Variants in C1QTNF3 observed in about 807,000 individuals in gnomAD.
C1QTNF3 encodes C1q and TNF related 3.
Under a neutral mutation model 32.6 loss-of-function variants are expected in C1QTNF3, and 26 were observed. The ratio of observed to expected loss-of-function variants is 0.80; its 90% CI spans 0.58 to 1.11. C1QTNF3 has a LOEUF of 1.11. Among genes scored for constraint, C1QTNF3 ranks in the 50% least tolerant of loss-of-function variants. C1QTNF3 has a pLI of 0.00. For synonymous variants in C1QTNF3, 155 were observed against 146.0 expected (o/e 1.06, Z -0.44); for missense variants, 362 against 398.2 (o/e 0.91, Z 0.77).
the C1QTNF3 span, among the ~76,000 whole-genome samples, chr5:34,129,610 T>C: frequency 6.6e-6 from 1 of 152,094 alleles, no homozygotes; most frequent in Admixed American, 6.5e-5. Flanking sequence ...CAATATTCAA[T>C]ATAATATACA....
the C1QTNF3 span, among the ~76,000 whole-genome samples, chr5:34,053,536 C>G: frequency 6.6e-6 from 1 of 152,210 alleles, no homozygotes; most frequent in African/African-American, 2.4e-5. Context: ...TAACTGCATC[C>G]TTGGATGGCC....
At chr5:34,116,329 C>T in the C1QTNF3 span, among the ~76,000 whole-genome samples, 1 of 152,094 alleles carries the variant, frequency 6.6e-6, no homozygotes, top group Non-Finnish European at 1.5e-5. Context: ...ATAGAGTGTC[C>T]TATAGATAGA....
chr5:34,132,435 G>A, the C1QTNF3 span, among the ~76,000 whole-genome samples: 46 of 137,696 alleles, frequency 3.3e-4, no homozygotes, highest in African/African-American at 1.3e-3. Context: ...GTATGTGTAT[G>A]TATATATATA....
In C1QTNF3 at chr5:34,025,022, C is replaced by CA. The variant is rs1203352940; in HGVS notation, c.701-1015dup. 4.6e-5 allele frequency among the ~76,000 whole-genome samples: 7 copies of CA among 152,144 alleles called. No individual in the cohort carries two copies. In the East Asian group the frequency reaches 1.2e-3, roughly 25 times the overall value. ...AGTAAGATGAAAGTTGTAAGGGTGC[C>CA]ATGTCAATTCACCTGATTCTAAGTC... On this transcript the variant is annotated intron_variant, in intron 4 of 5. Transcript: ENST00000382065.
the C1QTNF3 span, among the ~76,000 whole-genome samples, chr5:34,107,677 T>A: frequency 2.6e-5 from 4 of 151,828 alleles, no homozygotes; most frequent in Non-Finnish European, 5.9e-5. Context: ...AAAGAGAGAA[T>A]GAGGAAAGGA....
chr5:34,089,110 T>C, the C1QTNF3 span, among the ~76,000 whole-genome samples: 6 of 152,186 alleles, frequency 3.9e-5, no homozygotes, highest in African/African-American at 1.4e-4. Context: ...AGAGAGAAGC[T>C]GGGCTGTGAA....
At chr5:34,038,735 G>A (rs1754801024) in intron 1 of C1QTNF3, among the ~76,000 whole-genome samples, 1 of 152,086 alleles carries the variant, frequency 6.6e-6, no homozygotes, top group South Asian at 2.1e-4. Flanking sequence ...GGGAAGCTAG[G>A]AGCCATAATC....
chr5:34,181,906 G>A, the C1QTNF3 span, among the ~76,000 whole-genome samples: 1 of 152,308 alleles, frequency 6.6e-6, no homozygotes, highest in East Asian at 1.9e-4. Context: ...TCCTTGACCA[G>A]ACGAGGTGGC....
the C1QTNF3 span, among the ~76,000 whole-genome samples, chr5:34,122,181 A>G: frequency 6.6e-6 from 1 of 152,204 alleles, no homozygotes; most frequent in African/African-American, 2.4e-5. Context: ...GGTAGAGGCT[A>G]AAAGAGTTTC....
At chr5:34,228,450 A>T in the C1QTNF3 span, among the ~76,000 whole-genome samples, 2 of 150,174 alleles carry the variant, frequency 1.3e-5, no homozygotes, top group Non-Finnish European at 2.9e-5. Context: ...AAAAAAGTCA[A>T]TATCAGGCAC....
At chr5:34,077,182 C>T in the C1QTNF3 span, among the ~76,000 whole-genome samples, 1 of 151,614 alleles carries the variant, frequency 6.6e-6, no homozygotes, top group Admixed American at 6.6e-5. Flanking sequence ...TTTAATGTTA[C>T]ACAACCGCAG....
At chr5:34,030,231 T>G (rs1321524462) in intron 3 of C1QTNF3, among the ~76,000 whole-genome samples, 2 of 152,238 alleles carry the variant, frequency 1.3e-5, no homozygotes, top group Non-Finnish European at 2.9e-5. Context: ...CACCCATTTC[T>G]GGGAATGGTT....
the C1QTNF3 span, among the ~76,000 whole-genome samples, chr5:34,053,067 T>C: frequency 2.0e-5 from 3 of 152,198 alleles, no homozygotes; most frequent in Non-Finnish European, 4.4e-5. Context: ...CAGATTTCTA[T>C]ATAGAAACAG....
the C1QTNF3 span, among the ~76,000 whole-genome samples, chr5:34,145,456 A>T: frequency 6.6e-6 from 1 of 152,204 alleles, no homozygotes; most frequent in South Asian, 2.1e-4. Flanking sequence ...TAAAATCCAG[A>T]ATAGACCAAT....
Position 34,042,849 on chromosome 5 carries a change from C to A in C1QTNF3, c.277G>T (p.Ala93Ser), listed in dbSNP as rs769863322. ...ELPHPEVDDLAQITTFWGQSP... is the reference protein window; with the variant it reads ...ELPHPEVDDLSQITTFWGQSP... The stretch of plus-strand genomic sequence containing the variant: ...TGGCCCCAGAATGTGGTGATCTGGG[C>A]TAGGTCATCTACCTCGGGGTGCGGT... The change falls in exon 1 of 6, where the codon GCC becomes TCC. Residue 93 changes from alanine (A) to serine (S), a missense_variant. Transcript: ENST00000382065. The A allele has an allele frequency of 2.5e-5, 41 of 1,613,974 alleles. No homozygotes were observed. Among genetic ancestry groups the A allele is most frequent in the Non-Finnish European group, 3.3e-5 (39 of 1,180,020 alleles).
the C1QTNF3 span, among the ~76,000 whole-genome samples, chr5:34,211,811 T>C: frequency 1.3e-5 from 2 of 151,976 alleles, no homozygotes; most frequent in African/African-American, 4.8e-5. Flanking sequence ...TTTGGATTGG[T>C]TCCAAGTCTT....
At chr5:34,121,035 A>ATCAT in the C1QTNF3 span, among the ~76,000 whole-genome samples, 1 of 152,220 alleles carries the variant, frequency 6.6e-6, no homozygotes, top group Non-Finnish European at 1.5e-5. Flanking sequence ...TCAGGCAGAG[A>ATCAT]TCATTAAGAA....
chr5:34,102,330 A>C, the C1QTNF3 span, among the ~76,000 whole-genome samples: 1 of 152,120 alleles, frequency 6.6e-6, no homozygotes. Context: ...CAGAATACTA[A>C]TATTATTAAA....
the C1QTNF3 span, among the ~76,000 whole-genome samples, chr5:34,242,590 C>T: frequency 6.6e-6 from 1 of 152,194 alleles, no homozygotes; most frequent in African/African-American, 2.4e-5. Context: ...TTTTTCTCGA[C>T]ATTGGCCTTG....
Sources: allele counts gnomAD v4.1 joint callset (sites outside exome capture counted in the v4.1 genomes callset), GRCh38; gene constraint gnomAD v4.1.1; transcripts MANE v1.5; gene names NCBI Gene and HGNC (gene_info 2026-07-23, HGNC 2026-07-21).